Variants in ASXL1 observed in about 807,000 individuals in gnomAD.
ASXL1 encodes the protein ASXL transcriptional regulator 1.
In ASXL1, 65 loss-of-function variants were observed where a neutral mutation model predicts 89.1. The observed-to-expected ratio is 0.73, with a 90% CI of 0.60 to 0.90. The LOEUF is 0.90. Ranked by LOEUF, ASXL1 falls within the 40% of genes least tolerant of loss-of-function variation. The pLI is 0.00. For missense variants in ASXL1, 1,786 were observed against 1,942.9 expected (o/e 0.92, Z 1.52); for synonymous variants, 739 against 746.9 (o/e 0.99, Z 0.17).
At position 32,367,009 on chromosome 20, in the gene ASXL1, T is replaced by C. The variant is rs945577561; in HGVS notation, c.140+543T>C. 2.0e-5 allele frequency among the ~76,000 whole-genome samples: 3 copies of C among 150,850 alleles called. 1 individual carries two copies. The highest frequency in any genetic ancestry group is 4.4e-5 in the Non-Finnish European group (3 of 67,916). Reference sequence around the variant, plus strand: ...CTGGAGAAGTAACAAGTTAGAAACATAGAATTTGCAGGCTTGAAAGCCAGG... The same window carrying C: ...CTGGAGAAGTAACAAGTTAGAAACACAGAATTTGCAGGCTTGAAAGCCAGG... On this transcript the variant is annotated intron_variant, in intron 2 of 12. Transcript: ENST00000375687.
At chr20:32,426,541 CTTTTTTTTCTTTCTTTTT>C (rs1354529024) in intron 4 of ASXL1, among the ~76,000 whole-genome samples, 365 of 92,552 alleles carry the variant, frequency 3.9e-3, no homozygotes, top group African/African-American at 0.012. Context: ...AAACTGTTTT[CTTTTTTTTCTTTCTTTTT>C]TTTTTTTTTT....
At chr20:32,402,490 T>A (rs1381119445) in intron 4 of ASXL1, among the ~76,000 whole-genome samples, 6 of 152,260 alleles carry the variant, frequency 3.9e-5, no homozygotes, top group Non-Finnish European at 8.8e-5. Context: ...GTAGAATTGC[T>A]GGGTCGTATG....
In ASXL1 at chr20:32,429,438, G is replaced by A. The variant is rs2011449936; in HGVS notation, c.565+7G>A. ...CACGTGGAATCTGCATCAGGTATGT[G>A]TAAACTCATGGTTGTGATGCTTTTT... On this transcript the variant is annotated splice_region_variant and intron_variant, in intron 7 of 12. Transcript: ENST00000375687. This position sits in a 1 kb window ranked among gnomAD's most constrained non-coding sequence, Gnocchi z 4.9. The A allele has an allele frequency of 6.2e-7, 1 of 1,612,738 alleles. No homozygotes were observed. The highest frequency in any genetic ancestry group is 8.5e-7 in the Non-Finnish European group (1 of 1,178,750).
intron 4 of ASXL1, among the ~76,000 whole-genome samples, chr20:32,408,181 C>G (rs989495380): frequency 9.2e-5 from 14 of 152,116 alleles, no homozygotes; most frequent in African/African-American, 3.1e-4. Context: ...GACCTGCCCG[C>G]TTCAGCCTCC....
At chr20:32,396,290 T>C (rs1246933619) in intron 4 of ASXL1, among the ~76,000 whole-genome samples, 2 of 152,208 alleles carry the variant, frequency 1.3e-5, no homozygotes, top group East Asian at 3.8e-4. Context: ...AAATTCTGTT[T>C]AGATGAAAGA....
At chr20:32,386,423 TA>T (rs910394558) in intron 4 of ASXL1, among the ~76,000 whole-genome samples, 3 of 151,462 alleles carry the variant, frequency 2.0e-5, no homozygotes, top group African/African-American at 7.3e-5. Context: ...TATTTGGGGT[TA>T]CTTTTTTTTT....
In ASXL1 at chr20:32,437,974, A is replaced by C; in HGVS notation, c.*636A>C. On this transcript the variant is annotated 3_prime_UTR_variant, in exon 13 of 13. Coordinates refer to ENST00000375687, the MANE Select transcript of ASXL1 (RefSeq NM_015338.6). ...TCCACTAACCCACAGGATCATTTGG[A>C]ACCTTGAATAGCTCTGCTTGGACAA... The C allele has an allele frequency of 4.2e-6, 1 of 235,518 alleles. No homozygotes were observed. Among genetic ancestry groups the C allele is most frequent in the East Asian group, 6.0e-5 (1 of 16,592 alleles). The allele number at this position is 235,518 out of a possible 1,614,324, so 14.6% of individuals were successfully genotyped here.
chr20:32,383,231 C>T (rs1198096098), intron 4 of ASXL1, among the ~76,000 whole-genome samples: 4 of 151,852 alleles, frequency 2.6e-5, no homozygotes, highest in Non-Finnish European at 5.9e-5. Flanking sequence ...CCTTTCATAT[C>T]CTTAAATGTG....
At chr20:32,359,457 A>G in intron 1 of ASXL1, 1 of 695,114 alleles carries the variant, frequency 1.4e-6, no homozygotes, top group Non-Finnish European at 2.6e-6. Flanking sequence ...GGCCCTTCGT[A>G]AGACCTGCTG....
chr20:32,435,558 G>T lies in ASXL1; in HGVS notation c.2846G>T (p.Gly949Val), dbSNP rs765052056. 2 of 1,613,954 alleles carry T rather than the reference G, an allele frequency of 1.2e-6. No individual in the cohort carries two copies. Among genetic ancestry groups the T allele is most frequent in the Non-Finnish European group, 1.7e-6 (2 of 1,180,052 alleles). Residue 949 changes from glycine to valine, a missense_variant, in exon 13 of 13, where the codon GGT (glycine) becomes GTT (valine). Physicochemically the swap from Gly to Val is moderately radical, Grantham distance 109. Coordinates refer to ENST00000375687, the MANE Select transcript of ASXL1 (RefSeq NM_015338.6). Reference sequence around the variant, plus strand: ...CCTGGGGATTTGACAGCTGAGGAGGGTCTAGATCCTCTTGACAGCCTTACT... The same window carrying T: ...CCTGGGGATTTGACAGCTGAGGAGGTTCTAGATCCTCTTGACAGCCTTACT... ...ALPGDLTAEE[G>V]LDPLDSLTSL...
chr20:32,386,806 G>GC (rs565415119), intron 4 of ASXL1, among the ~76,000 whole-genome samples: 3,515 of 46,648 alleles, frequency 0.075, 110 homozygotes, highest in Admixed American at 0.2. Context: ...TTTTTTTTTT[G>GC]CTACCTCTCC....
intron 4 of ASXL1, among the ~76,000 whole-genome samples, chr20:32,403,119 A>G (rs1299282401): frequency 1.3e-5 from 2 of 152,270 alleles, no homozygotes; most frequent in Non-Finnish European, 2.9e-5. Context: ...TTGGGGGACC[A>G]ATTATTCCAA....
rs2123263513 is a variant in ASXL1, at chr20:32,433,651, T to G, written c.1453T>G (p.Ser485Ala). ...DLEGPEFPVE[S>A]VASRIQAEPD... ...GGAGGGTCCCGAATTCCCAGTTGAG[T>G]CTGTGGCTTCTCGGATCCAGGCTGA... The change falls in exon 12 of 13, where the codon TCT becomes GCT. Residue 485 changes from serine (S) to alanine (A), a missense_variant. This residue lies in a region of ASXL1 where 1,418 missense variants were observed against 1,427.8 expected (regional missense o/e 0.99). Coordinates refer to ENST00000375687, the MANE Select transcript of ASXL1 (RefSeq NM_015338.6). 6.2e-7 allele frequency: 1 copy of G among 1,611,768 alleles called. No homozygotes were observed. The highest frequency in any genetic ancestry group is 8.5e-7 in the Non-Finnish European group (1 of 1,178,124).
chr20:32,417,638 A>G (rs556570746), intron 4 of ASXL1, among the ~76,000 whole-genome samples: 2 of 152,214 alleles, frequency 1.3e-5, no homozygotes, highest in South Asian at 4.1e-4. Flanking sequence ...TCATTAATGG[A>G]CCATTTTAGC....
intron 4 of ASXL1, among the ~76,000 whole-genome samples, chr20:32,387,653 TGG>T (rs2048602317): frequency 6.6e-6 from 1 of 152,212 alleles, no homozygotes; most frequent in South Asian, 2.1e-4. Context: ...TGAATCTGCT[TGG>T]TTCTTTTCAG....
chr20:32,388,110 C>T (rs2048610915), intron 4 of ASXL1, among the ~76,000 whole-genome samples: 1 of 152,166 alleles, frequency 6.6e-6, no homozygotes, highest in Non-Finnish European at 1.5e-5. Flanking sequence ...ATTTTAGTAG[C>T]TTCCTAACTG....
At chr20:32,428,652 CTTTT>C (rs35966674) in intron 6 of ASXL1, 3,427 of 145,580 alleles carry the variant, frequency 0.024, no homozygotes, top group East Asian at 0.054. Flanking sequence ...TTTGTTCATT[CTTTT>C]TTTTTTTTTT....
At chr20:32,389,610 G>A (rs1442064558) in intron 4 of ASXL1, among the ~76,000 whole-genome samples, 1 of 152,062 alleles carries the variant, frequency 6.6e-6, no homozygotes, top group Admixed American at 6.6e-5. Context: ...TTCTGAAACA[G>A]AGTCTCGCTC....
intron 1 of ASXL1, among the ~76,000 whole-genome samples, chr20:32,365,789 C>T (rs545623397): frequency 1.8e-4 from 28 of 152,290 alleles, no homozygotes; most frequent in African/African-American, 3.9e-4. Context: ...GATGGCAGAA[C>T]GTACTGTGGC....
Sources: allele counts gnomAD v4.1 joint callset (sites outside exome capture counted in the v4.1 genomes callset), GRCh38; gene constraint gnomAD v4.1.1; regional missense constraint gnomAD v4.1.1; non-coding constraint Gnocchi (gnomAD v3.1); transcripts MANE v1.5; gene names NCBI Gene and HGNC (gene_info 2026-07-23, HGNC 2026-07-21).